HDGFL2: variants seen among roughly 807,000 people sequenced by gnomAD.
HDGFL2 encodes the protein hepatoma-derived growth factor-related protein 2.
A neutral mutation model predicts 77.1 loss-of-function variants in HDGFL2; 36 were observed. The ratio of observed to expected loss-of-function variants is 0.47; its 90% CI spans 0.36 to 0.62. HDGFL2 has a LOEUF of 0.62. Ranked by LOEUF, HDGFL2 falls within the 20% of genes least tolerant of loss-of-function variation. The pLI, the probability that HDGFL2 is intolerant of heterozygous loss-of-function variation, is 0.00. For synonymous variants in HDGFL2, 463 were observed against 413.1 expected (o/e 1.12, Z -1.46); for missense variants, 976 against 973.4 (o/e 1.00, Z -0.04).
rs550648053 is a variant in HDGFL2, at chr19:4,485,903, G to A, written c.289-2773G>A. ...GTCTACAAAAAAAAAATACAAAAAC[G>A]TTAGCCAGGTGTGGTGGTGCAAACC... On this transcript the variant is annotated intron_variant, in intron 3 of 15. Transcript: ENST00000616600. 1.1e-3 allele frequency among the ~76,000 whole-genome samples: 21 copies of A among 18,408 alleles called. 1 individual carries two copies. In the East Asian group the frequency reaches 0.051, roughly 45 times the overall value. 12.1% of individuals were successfully genotyped at this position (18,408 alleles called of 152,430 possible). A position where few individuals can be genotyped will look rare whatever the true frequency, so the allele number is the denominator to read the frequency against.
intron 6 of HDGFL2, among the ~76,000 whole-genome samples, chr19:4,492,258 T>C (rs1975535167): frequency 6.6e-6 from 1 of 152,036 alleles, no homozygotes. Flanking sequence ...TGCATGTTTG[T>C]GACCATGTAG....
At chr19:4,492,656 GGTGT>G (rs571359886) in intron 6 of HDGFL2, among the ~76,000 whole-genome samples, 3 of 148,964 alleles carry the variant, frequency 2.0e-5, no homozygotes, top group Admixed American at 1.3e-4. Flanking sequence ...TTGTCTGTGT[GGTGT>G]GTGTGTCTGG....
At position 4,499,532 on chromosome 19, in the gene HDGFL2, A is replaced by G. The variant is rs754466897; in HGVS notation, c.1617A>G (p.Ala539=). The part of the protein sequence containing the change: ...YKANKDVMEK[A]AEVYTRLKSR... ...CGAACAAGGACGTAATGGAGAAGGC[A>G]GCAGAAGTCTATACCCGGCTCAAGT... is the stretch of plus-strand genomic sequence containing the variant. The change falls in exon 14 of 16, where the codon GCA becomes GCG. Residue 539 remains alanine, a synonymous_variant. Transcript: ENST00000616600. 4 of 1,613,902 alleles carry G rather than the reference A, an allele frequency of 2.5e-6. No homozygotes were observed. The South Asian group carries it at 4.4e-5, about 18-fold the overall frequency.
intron 10 of HDGFL2, chr19:4,497,021 C>T: frequency 2.6e-6 from 1 of 384,866 alleles, no homozygotes; most frequent in Non-Finnish European, 5.2e-6. Flanking sequence ...ATTACAGGCA[C>T]CCGCCACCAC....
chr19:4,488,952 CTTT>C (rs34663282), intron 4 of HDGFL2, 76 bp downstream of exon 4: 22,465 of 671,686 alleles, frequency 0.033, no homozygotes, highest in East Asian at 0.036. Flanking sequence ...CTCTCCTGCC[CTTT>C]TTTTTTTTTT....
At chr19:4,488,599 C>T in intron 3 of HDGFL2, 77 bp from the exon 4 acceptor site, 1 of 1,339,656 alleles carries the variant, frequency 7.5e-7, no homozygotes, top group Non-Finnish European at 1.0e-6. Flanking sequence ...TGGTTGCCGT[C>T]CTCTGGGTCA....
chr19:4,501,143 G>A (rs781263966), intron 14 of HDGFL2, 48 bp from the exon 15 acceptor site: 2 of 1,609,798 alleles, frequency 1.2e-6, no homozygotes, highest in Non-Finnish European at 1.7e-6. Flanking sequence ...GTTCTGGGGT[G>A]CCCAGCTGGA....
At chr19:4,478,197 G>GTTTTTTTTT (rs113038095) in intron 3 of HDGFL2, among the ~76,000 whole-genome samples, 2 of 140,480 alleles carry the variant, frequency 1.4e-5, no homozygotes, top group Non-Finnish European at 1.5e-5. Context: ...GGATGCTGCT[G>GTTTTTTTTT]TTTTTTTTTT....
intron 1 of HDGFL2, among the ~76,000 whole-genome samples, chr19:4,474,691 C>G (rs546710474): frequency 1.2e-4 from 18 of 152,238 alleles, no homozygotes; most frequent in South Asian, 6.2e-4. Context: ...TTCTCTCCCC[C>G]GTCCCCCCTT....
chr19:4,494,396 A>C lies in HDGFL2; in HGVS notation c.1145A>C (p.Lys382Thr). The change falls in exon 9 of 16, where the codon AAG becomes ACG. Residue 382 changes from lysine to threonine, a missense_variant. This residue lies in a region of HDGFL2 where 567 missense variants were observed against 534.7 expected (regional missense o/e 1.06). Transcript: ENST00000616600. ...CTCAGGGAGGACGATGAGCCCGTCA[A>C]GAAGCGGGGACGCAAGGGCCGGGGC... The part of the protein sequence containing the change: ...DELREDDEPV[K>T]KRGRKGRGRG... 7.1e-7 allele frequency: 1 copy of C among 1,404,600 alleles called. No individual in the cohort carries two copies. 87.0% of individuals were successfully genotyped at this position (1,404,600 alleles called of 1,614,324 possible). A position where few individuals can be genotyped will look rare whatever the true frequency, so the allele number is the denominator to read the frequency against.
intron 14 of HDGFL2, 43 bp from the exon 15 acceptor site, chr19:4,501,129 AAGGGTTCTGGGGTGCCCAG>A: frequency 6.2e-7 from 1 of 1,603,958 alleles, no homozygotes; most frequent in Admixed American, 1.7e-5. Flanking sequence ...CTTGACAGGC[AAGGGTTCTGGGGTGCCCAG>A]CTGGAGCCCA....
At chr19:4,482,528 A>C (rs905465882) in intron 3 of HDGFL2, among the ~76,000 whole-genome samples, 4 of 152,108 alleles carry the variant, frequency 2.6e-5, no homozygotes, top group African/African-American at 9.7e-5. Context: ...TCATAGAGAC[A>C]GGCAACACTT....
intron 3 of HDGFL2, among the ~76,000 whole-genome samples, chr19:4,480,828 CCT>C (rs1975193644): frequency 6.6e-6 from 1 of 152,086 alleles, no homozygotes; most frequent in African/African-American, 2.4e-5. Context: ...ATTGACATCC[CCT>C]CTGTGAGCCT....
At chr19:4,490,337 G>A (rs761702340) in intron 4 of HDGFL2, among the ~76,000 whole-genome samples, 4 of 152,148 alleles carry the variant, frequency 2.6e-5, no homozygotes, top group Non-Finnish European at 5.9e-5. Flanking sequence ...AGCCTGCCTC[G>A]GCCTCCCAGA....
At chr19:4,485,442 A>T (rs77643967) in intron 3 of HDGFL2, among the ~76,000 whole-genome samples, 15,168 of 152,052 alleles carry the variant, frequency 0.1, 949 homozygotes, top group South Asian at 0.22. Context: ...TGTGGCTTTT[A>T]AAAATCTCAG....
intron 4 of HDGFL2, among the ~76,000 whole-genome samples, chr19:4,489,084 G>A (rs1156853184): frequency 6.6e-6 from 1 of 151,380 alleles, no homozygotes; most frequent in East Asian, 1.9e-4. Context: ...CTCCCTAGTA[G>A]CTGGGATTAC....
chr19:4,498,974 G>A, intron 13 of HDGFL2, 59 bp downstream of exon 13: 1 of 1,226,252 alleles, frequency 8.2e-7, no homozygotes, highest in Non-Finnish European at 1.2e-6. Flanking sequence ...GCAAGTGCCT[G>A]CCCGGGAGCC....
intron 1 of HDGFL2, chr19:4,475,069 T>C: frequency 1.7e-6 from 1 of 575,918 alleles, no homozygotes; most frequent in South Asian, 2.0e-5. Flanking sequence ...GTCCCTGGGG[T>C]AGGGGGAGAG....
chr19:4,491,912 G>T, intron 6 of HDGFL2, 77 bp downstream of exon 6: 1 of 1,359,676 alleles, frequency 7.4e-7, no homozygotes, highest in Admixed American at 1.8e-5. Flanking sequence ...CCCCAGGGCA[G>T]GGCGGGCCAT....
Sources: gnomAD v4.1 joint callset for allele counts (sites outside exome capture counted in the v4.1 genomes callset) on GRCh38, gnomAD v4.1.1 for gene constraint, gnomAD v4.1.1 regional missense constraint, MANE v1.5 for transcripts, NCBI Gene and HGNC (gene_info 2026-07-23, HGNC 2026-07-21) for gene names.